The following SYCE2 variants were observed in gnomAD, a reference collection of about 807,000 sequenced individuals.
SYCE2 encodes the protein central element synaptonemal complex 1.
Under a neutral mutation model 27.9 loss-of-function variants are expected in SYCE2, and 3 were observed. That is an observed-to-expected ratio of 0.11 (90% confidence interval 0.05 to 0.28). The LOEUF is 0.28. Ranked by LOEUF, SYCE2 falls within the 10% of genes least tolerant of loss-of-function variation. The pLI, the probability that SYCE2 is intolerant of heterozygous loss-of-function variation, is 1.00. For missense variants in SYCE2, 207 were observed against 263.5 expected (o/e 0.79, Z 1.48); for synonymous variants, 85 against 100.7 (o/e 0.84, Z 0.93).
intron 2 of SYCE2, among the ~76,000 whole-genome samples, chr19:12,906,665 T>C (rs1970939138): frequency 6.6e-6 from 1 of 152,042 alleles, no homozygotes; most frequent in Non-Finnish European, 1.5e-5. Context: ...TCCCAGTACT[T>C]TGGGAGGCCG....
chr19:12,900,365 G>A, intron 4 of SYCE2, 95 bp downstream of exon 4: 1 of 1,406,514 alleles, frequency 7.1e-7, no homozygotes, highest in South Asian at 1.4e-5. Context: ...GGCGGGGTCA[G>A]GGCTGGGTGC....
At chr19:12,914,729 C>A (rs1383386823) in intron 2 of SYCE2, among the ~76,000 whole-genome samples, 1 of 152,210 alleles carries the variant, frequency 6.6e-6, no homozygotes, top group Admixed American at 6.5e-5. Context: ...CCTGCCTAAC[C>A]CTCCCAAGTA....
At position 12,918,293 on chromosome 19, in the gene SYCE2, G is replaced by A; in HGVS notation, c.60C>T (p.Pro20=). 1.9e-6 allele frequency: 3 copies of A among 1,614,192 alleles called. No homozygotes were observed. Among genetic ancestry groups the A allele is most frequent in the Non-Finnish European group, 2.5e-6 (3 of 1,180,038 alleles). Residue 20 remains proline, a synonymous_variant, in exon 2 of 6, where the codon CCC becomes CCT. Transcript: ENST00000293695. ...HVKCKDQEPQ[P]LGESKEHPRW... is the part of the protein sequence containing the mutation. ...GCGGATGCTCCTTGCTCTCCCCCAA[G>A]GGCTGCGGTTCCTGGTCTTTGCATT...
intron 2 of SYCE2, among the ~76,000 whole-genome samples, chr19:12,907,438 C>A (rs1970955383): frequency 6.6e-6 from 1 of 152,214 alleles, no homozygotes; most frequent in South Asian, 2.1e-4. Context: ...GTGGACAGAG[C>A]AGTTCCTGAA....
chr19:12,910,056 G>A (rs375186240), intron 2 of SYCE2, among the ~76,000 whole-genome samples: 3 of 151,710 alleles, frequency 2.0e-5, no homozygotes, highest in East Asian at 3.9e-4. Context: ...TAGTAGAGAC[G>A]GGGTTTCAAC....
chr19:12,917,645 GC>G (rs1971160160), intron 2 of SYCE2, among the ~76,000 whole-genome samples: 1 of 125,282 alleles, frequency 8.0e-6, no homozygotes, highest in African/African-American at 3.1e-5. Context: ...ACAGGCATAA[GC>G]CACCATTCCT....
At chr19:12,915,601 CAAAA>C (rs71168634) in intron 2 of SYCE2, among the ~76,000 whole-genome samples, 2 of 81,262 alleles carry the variant, frequency 2.5e-5, no homozygotes, top group African/African-American at 4.6e-5. Context: ...GACTCCATCT[CAAAA>C]AAAAAAAAAA....
intron 3 of SYCE2, among the ~76,000 whole-genome samples, chr19:12,903,730 C>T (rs1157728362): frequency 1.3e-5 from 2 of 151,886 alleles, no homozygotes; most frequent in Non-Finnish European, 2.9e-5. Flanking sequence ...CTAGCCCAGG[C>T]TGCAGTGCCG....
At chr19:12,905,200 G>A (rs1237722170) in intron 2 of SYCE2, among the ~76,000 whole-genome samples, 1 of 152,092 alleles carries the variant, frequency 6.6e-6, no homozygotes, top group African/African-American at 2.4e-5. Flanking sequence ...TGAGAAAACA[G>A]ACCAAGAGGC....
At chr19:12,911,907 C>T (rs187115620) in intron 2 of SYCE2, among the ~76,000 whole-genome samples, 4 of 151,354 alleles carry the variant, frequency 2.6e-5, no homozygotes, top group East Asian at 3.9e-4. Context: ...CGTGAGCCAC[C>T]GTGCCCAGTG....
At chr19:12,899,978 T>G (rs1970800526) in intron 5 of SYCE2, 26 bp downstream of exon 5, 1 of 1,612,286 alleles carries the variant, frequency 6.2e-7, no homozygotes, top group Non-Finnish European at 8.5e-7. Context: ...GACCCCAAGG[T>G]GTCAGGCCGG....
Position 12,899,220 on chromosome 19 carries a change from G to T in SYCE2, c.*121C>A. ...TCAGCACAAGGAGCTTTGGGTTTTT[G>T]TTTTTTTCTGCCAAGATGCATTATA... On this transcript the variant is annotated 3_prime_UTR_variant, in exon 6 of 6. Coordinates refer to ENST00000293695, the MANE Select transcript of SYCE2 (RefSeq NM_001105578.2). The T allele has an allele frequency of 3.2e-6, 3 of 933,772 alleles. No individual in the cohort carries two copies. Among genetic ancestry groups the T allele is most frequent in the Admixed American group, 2.2e-5 (1 of 45,902 alleles). The allele number at this position is 933,772 out of a possible 1,614,324, so 57.8% of individuals were successfully genotyped here.
intron 2 of SYCE2, among the ~76,000 whole-genome samples, chr19:12,906,785 G>A (rs984220405): frequency 2.6e-5 from 4 of 152,074 alleles, no homozygotes; most frequent in African/African-American, 7.2e-5. Flanking sequence ...GCAGGCGCCT[G>A]TAATCCCAGC....
intron 2 of SYCE2, among the ~76,000 whole-genome samples, chr19:12,911,408 C>G (rs945425002): frequency 1.3e-5 from 2 of 152,116 alleles, no homozygotes; most frequent in African/African-American, 4.8e-5. Flanking sequence ...CCTCCACCCT[C>G]TCTTCCAGCC....
At position 12,899,063 on chromosome 19, in the gene SYCE2, A is replaced by G. The variant is rs1970767514; in HGVS notation, c.*278T>C. ...CAGGGGTGCTTTCAGCCTCTGTGGCAAGGAAGCGTGGCCAGGTTGAAAATC... is the reference window on the plus strand; with the variant it reads ...CAGGGGTGCTTTCAGCCTCTGTGGCGAGGAAGCGTGGCCAGGTTGAAAATC... On this transcript the variant is annotated 3_prime_UTR_variant, in exon 6 of 6. Coordinates refer to ENST00000293695, the MANE Select transcript of SYCE2 (RefSeq NM_001105578.2). The G allele has an allele frequency of 4.1e-6, 2 of 491,990 alleles. No individual in the cohort carries two copies. Among genetic ancestry groups the G allele is most frequent in the Non-Finnish European group, 7.4e-6 (2 of 269,988 alleles). 30.5% of individuals were successfully genotyped at this position (491,990 alleles called of 1,614,324 possible). A position where few individuals can be genotyped will look rare whatever the true frequency, so the allele number is the denominator to read the frequency against.
At chr19:12,911,258 CCA>C (rs1263754825) in intron 2 of SYCE2, among the ~76,000 whole-genome samples, 5 of 152,106 alleles carry the variant, frequency 3.3e-5, no homozygotes, top group African/African-American at 1.2e-4. Flanking sequence ...CAAACGTGAG[CCA>C]CAGTGTCAGC....
At chr19:12,903,285 G>T (rs1399241106) in intron 3 of SYCE2, among the ~76,000 whole-genome samples, 1 of 151,348 alleles carries the variant, frequency 6.6e-6, no homozygotes, top group Admixed American at 6.6e-5. Flanking sequence ...TAGAGACAGG[G>T]TTTCATCATG....
intron 2 of SYCE2, chr19:12,914,217 T>G (rs1174483750): frequency 6.6e-6 from 1 of 152,178 alleles, no homozygotes; most frequent in East Asian, 1.9e-4. Context: ...CACCACAAGC[T>G]GGAAAGCAGA....
chr19:12,905,335 C>G (rs1970915034), intron 2 of SYCE2, among the ~76,000 whole-genome samples: 1 of 151,916 alleles, frequency 6.6e-6, no homozygotes. Flanking sequence ...TCAATGCTTT[C>G]TTTCTTTTTT....
Sources: gnomAD v4.1 joint callset for allele counts (sites outside exome capture counted in the v4.1 genomes callset) on GRCh38, gnomAD v4.1.1 for gene constraint, MANE v1.5 for transcripts, NCBI Gene and HGNC (gene_info 2026-07-23, HGNC 2026-07-21) for gene names.